The following SPPL3 variants were observed in gnomAD, a reference collection of about 807,000 sequenced individuals.
SPPL3 encodes signal peptide peptidase like 3, also known as signal peptide peptidase-like 3.
In SPPL3, 5 loss-of-function variants were observed where a neutral mutation model predicts 42.4. The observed-to-expected ratio is 0.12, with a 90% confidence interval of 0.06 to 0.25. The LOEUF is 0.25. Among genes scored for constraint, SPPL3 ranks in the 10% least tolerant of loss-of-function variants. SPPL3 has a pLI of 1.00. For missense variants in SPPL3, 235 were observed against 489.0 expected (o/e 0.48, Z 4.90); for synonymous variants, 195 against 181.8 (o/e 1.07, Z -0.58).
chr12:120,871,645 C>T (rs760949431), intron 1 of SPPL3, among the ~76,000 whole-genome samples: 15 of 151,970 alleles, frequency 9.9e-5, no homozygotes, highest in Non-Finnish European at 1.8e-4. Context: ...CCCACCTACT[C>T]GGGCGGCTAA....
intron 1 of SPPL3, among the ~76,000 whole-genome samples, chr12:120,842,231 G>A (rs1871856555): frequency 6.6e-6 from 1 of 152,214 alleles, no homozygotes; most frequent in Non-Finnish European, 1.5e-5. Flanking sequence ...AGGGAACACA[G>A]TTATAAACAT....
rs1873215055 is a variant in SPPL3 at position 120,879,469 on chromosome 12, ATTG to A, written c.23+24373_23+24375del. ...ATGTTAAAGGAGAACTGTTCCAGGT[ATTG>A]TTAACACGCTGAGCAAACTCTTCCC... On this transcript the variant is annotated intron_variant, in intron 1 of 10. Coordinates refer to ENST00000353487, the MANE Select transcript of SPPL3 (RefSeq NM_139015.5). 2.0e-5 allele frequency among the ~76,000 whole-genome samples: 3 copies of A among 152,256 alleles called. No individual in the cohort carries two copies. The South Asian group carries it at 6.2e-4, about 32-fold the overall frequency.
chr12:120,800,880 T>C (rs1278722949), intron 2 of SPPL3, among the ~76,000 whole-genome samples: 1 of 152,208 alleles, frequency 6.6e-6, no homozygotes, highest in African/African-American at 2.4e-5. Context: ...TGTCAGGCAC[T>C]GCTAGGTGCT....
chr12:120,785,298 A>AT (rs1202705936), intron 3 of SPPL3, among the ~76,000 whole-genome samples: 1 of 152,120 alleles, frequency 6.6e-6, no homozygotes, highest in African/African-American at 2.4e-5. Flanking sequence ...AAGGTACCAG[A>AT]ATAGGAGATG....
chr12:120,899,701 G>C (rs1385985004), intron 1 of SPPL3, among the ~76,000 whole-genome samples: 3 of 151,560 alleles, frequency 2.0e-5, no homozygotes, highest in Admixed American at 2.0e-4. Flanking sequence ...GACCATCCTG[G>C]CTAACATGGT....
At chr12:120,875,551 C>A (rs1310493544) in intron 1 of SPPL3, among the ~76,000 whole-genome samples, 2 of 151,746 alleles carry the variant, frequency 1.3e-5, no homozygotes, top group African/African-American at 4.8e-5. Flanking sequence ...ATTGTTTGAA[C>A]CCCTGAGGTG....
intron 1 of SPPL3, among the ~76,000 whole-genome samples, chr12:120,881,410 G>C (rs1287398832): frequency 7.0e-6 from 1 of 142,124 alleles, no homozygotes; most frequent in Non-Finnish European, 1.5e-5. Context: ...AGAGGTTGCA[G>C]TGAGCCAAGA....
chr12:120,791,746 T>C (rs754385186), intron 2 of SPPL3, 189 bp from the exon 3 acceptor site: 1 of 521,062 alleles, frequency 1.9e-6, no homozygotes, highest in Non-Finnish European at 3.4e-6. Context: ...GTTCAAGAGT[T>C]TTCCTGACTG....
chr12:120,901,997 C>G, intron 1 of SPPL3: 1 of 901,630 alleles, frequency 1.1e-6, no homozygotes, highest in Non-Finnish European at 1.3e-6. Flanking sequence ...ACTCTCAGGG[C>G]CACAGCCATT....
At chr12:120,807,320 A>G (rs184140597) in intron 2 of SPPL3, among the ~76,000 whole-genome samples, 81 of 152,312 alleles carry the variant, frequency 5.3e-4, no homozygotes, top group African/African-American at 1.7e-3. Context: ...AATGGTTTAA[A>G]TGGTACATTT....
At chr12:120,830,557 GGAGGGGT>G (rs1169218778) in intron 1 of SPPL3, among the ~76,000 whole-genome samples, 1 of 39,430 alleles carries the variant, frequency 2.5e-5, no homozygotes, top group Non-Finnish European at 6.1e-5. Context: ...GAGGGGAGGG[GGAGGGGT>G]GGGGGAGGGG....
intron 1 of SPPL3, among the ~76,000 whole-genome samples, chr12:120,851,092 T>C (rs1437291255): frequency 1.3e-5 from 2 of 152,240 alleles, no homozygotes; most frequent in African/African-American, 2.4e-5. Flanking sequence ...TTTAAAATTC[T>C]ATGAAGTATA....
At chr12:120,815,888 C>G (rs1030093140) in intron 1 of SPPL3, among the ~76,000 whole-genome samples, 1 of 152,038 alleles carries the variant, frequency 6.6e-6, no homozygotes, top group African/African-American at 2.4e-5. Flanking sequence ...GCCACCATGC[C>G]CAGCTAATTT....
At chr12:120,868,592 C>T (rs1872831600) in intron 1 of SPPL3, among the ~76,000 whole-genome samples, 4 of 152,136 alleles carry the variant, frequency 2.6e-5, no homozygotes, top group Non-Finnish European at 4.4e-5. Context: ...AGCGATTCTC[C>T]TGCCTCAGCC....
chr12:120,772,873 G>A (rs1169332173), intron 6 of SPPL3, among the ~76,000 whole-genome samples: 3 of 152,180 alleles, frequency 2.0e-5, no homozygotes, highest in African/African-American at 7.2e-5. Flanking sequence ...CGCTCACTGA[G>A]TTACAGGGTG....
rs957832680 is a variant in SPPL3 at position 120,868,263 on chromosome 12, T to TA, written c.23+35581dup. Among the ~76,000 whole-genome samples, 906 of 136,446 alleles carry TA rather than the reference T, an allele frequency of 6.6e-3. 8 individuals are homozygous for TA. The highest frequency in any genetic ancestry group is 0.022 in the African/African-American group (810 of 37,206). The allele number at this position is 136,446 out of a possible 152,430, so 89.5% of individuals were successfully genotyped here. On this transcript the variant is annotated intron_variant, in intron 1 of 10. Transcript: ENST00000353487. ...GGAGCAAGACCCTGTCACTGCAAAA[T>TA]AAAAAAAAAAAATGTTAGGGAAAAA...
chr12:120,776,649 G>A, intron 6 of SPPL3, among the ~76,000 whole-genome samples: 1 of 152,144 alleles, frequency 6.6e-6, no homozygotes, highest in South Asian at 2.1e-4. Flanking sequence ...AGATAGGACA[G>A]AGCTAAGGGT....
chr12:120,788,132 G>A (rs1483561583), intron 3 of SPPL3, among the ~76,000 whole-genome samples: 3 of 152,166 alleles, frequency 2.0e-5, no homozygotes, highest in East Asian at 3.8e-4. Context: ...CTCCAGTAAC[G>A]CAAGAGGGCT....
intron 6 of SPPL3, among the ~76,000 whole-genome samples, chr12:120,776,908 C>T (rs186098895): frequency 3.7e-4 from 56 of 152,288 alleles, no homozygotes; most frequent in African/African-American, 1.3e-3. Flanking sequence ...ATGGGCTTTG[C>T]ATCTGCTAGC....
Sources: gnomAD v4.1 joint callset for allele counts (sites outside exome capture counted in the v4.1 genomes callset) on GRCh38, gnomAD v4.1.1 for gene constraint, MANE v1.5 for transcripts, NCBI Gene and HGNC (gene_info 2026-07-23, HGNC 2026-07-21) for gene names.